IPO11: variants seen among roughly 807,000 people sequenced by gnomAD.
The protein encoded by IPO11 is importin-11.
In IPO11, 66 loss-of-function variants were observed where a neutral mutation model predicts 143.2. That is an observed-to-expected ratio of 0.46 (90% confidence interval 0.38 to 0.57). The LOEUF (loss-of-function observed/expected upper bound fraction) is 0.57, where lower values mean the gene tolerates loss of function less well. Ranked by LOEUF, IPO11 falls within the 20% of genes least tolerant of loss-of-function variation. The probability of loss-of-function intolerance (pLI) is 0.00; values close to 1 mark genes in which losing one functional copy is unlikely to be tolerated. For missense variants in IPO11, 1,026 were observed against 1,141.0 expected (o/e 0.90, Z 1.45); for synonymous variants, 385 against 377.8 (o/e 1.02, Z -0.22).
At chr5:62,496,928 G>A (rs568155896) in intron 16 of IPO11, among the ~76,000 whole-genome samples, 4 of 152,278 alleles carry the variant, frequency 2.6e-5, no homozygotes, top group African/African-American at 9.6e-5. Context: ...TCTCTGCCCA[G>A]CGGCCTCTGA....
chr5:62,534,546 A>G (rs561403333), intron 22 of IPO11, among the ~76,000 whole-genome samples: 1 of 152,236 alleles, frequency 6.6e-6, no homozygotes, highest in African/African-American at 2.4e-5. Flanking sequence ...TCATATATGC[A>G]CAGTGCATAA....
At chr5:62,519,530 A>G (rs546863173) in intron 20 of IPO11, among the ~76,000 whole-genome samples, 1 of 152,296 alleles carries the variant, frequency 6.6e-6, no homozygotes, top group South Asian at 2.1e-4. Context: ...CTATTCCACT[A>G]TCCTCCCAGT....
intron 5 of IPO11, among the ~76,000 whole-genome samples, chr5:62,454,260 C>T (rs4700493): frequency 0.077 from 11,699 of 152,210 alleles, 711 homozygotes; most frequent in East Asian, 0.26. Context: ...TGATTTCTAG[C>T]GAGGACTAAG....
intron 26 of IPO11, among the ~76,000 whole-genome samples, chr5:62,554,414 C>CA (rs1743497903): frequency 1.3e-5 from 2 of 152,096 alleles, no homozygotes; most frequent in African/African-American, 4.8e-5. Context: ...TTGTGGGTCT[C>CA]ACATTTTAAG....
At chr5:62,435,069 T>A (rs1389939185) in intron 1 of IPO11, among the ~76,000 whole-genome samples, 3 of 113,220 alleles carry the variant, frequency 2.6e-5, no homozygotes, top group Non-Finnish European at 5.4e-5. Flanking sequence ...TATGTATATA[T>A]ATGTATATAT....
At chr5:62,505,601 A>G (rs535309521) in intron 18 of IPO11, among the ~76,000 whole-genome samples, 2 of 152,194 alleles carry the variant, frequency 1.3e-5, no homozygotes, top group South Asian at 2.1e-4. Context: ...AATGAACCCT[A>G]TATCTGAAAG....
At chr5:62,609,894 T>C (rs570741201) in intron 29 of IPO11, among the ~76,000 whole-genome samples, 50 of 152,358 alleles carry the variant, frequency 3.3e-4, no homozygotes, top group African/African-American at 1.2e-3. Flanking sequence ...ACAGCAAATA[T>C]GAGGTCAACT....
intron 8 of IPO11, among the ~76,000 whole-genome samples, chr5:62,475,609 A>G (rs1401266249): frequency 6.6e-6 from 1 of 152,232 alleles, no homozygotes; most frequent in African/African-American, 2.4e-5. Flanking sequence ...ATGTTTAACA[A>G]ATATTGTCTA....
At position 62,484,944 on chromosome 5, in the gene IPO11, A is replaced by G. The variant is rs114861877; in HGVS notation, c.1175-475A>G. 7.5e-3 allele frequency among the ~76,000 whole-genome samples: 1,099 copies of G among 147,182 alleles called. 14 individuals carry two copies. Among genetic ancestry groups the G allele is most frequent in the African/African-American group, 0.026 (1,035 of 39,996 alleles). ...CATCTTTTTTCAATTTGCTTTCTTT[A>G]TATAGTACATACAACATTGTAACAT... On this transcript the variant is annotated intron_variant, in intron 11 of 29. Coordinates refer to ENST00000325324, the MANE Select transcript of IPO11 (RefSeq NM_016338.5).
chr5:62,465,710 G>A (rs527450053), intron 5 of IPO11, among the ~76,000 whole-genome samples: 6 of 152,344 alleles, frequency 3.9e-5, no homozygotes, highest in African/African-American at 1.4e-4. Flanking sequence ...CTGTTGTGAA[G>A]TATACACACA....
chr5:62,469,396 T>G (rs1745689489), intron 6 of IPO11, among the ~76,000 whole-genome samples: 1 of 152,188 alleles, frequency 6.6e-6, no homozygotes, highest in Non-Finnish European at 1.5e-5. Flanking sequence ...AAACCGAAGG[T>G]CTAGTAGACA....
At chr5:62,426,036 G>A (rs1291430367) in intron 1 of IPO11, among the ~76,000 whole-genome samples, 1 of 152,198 alleles carries the variant, frequency 6.6e-6, no homozygotes, top group Non-Finnish European at 1.5e-5. Flanking sequence ...TCCCCTGGGT[G>A]AGGAGAATTG....
chr5:62,612,855 C>G (rs958094925), intron 29 of IPO11, among the ~76,000 whole-genome samples: 2 of 152,174 alleles, frequency 1.3e-5, no homozygotes, highest in Admixed American at 6.5e-5. Context: ...TTATTATAAG[C>G]AGCGCTTCAG....
chr5:62,437,962 C>G (rs1269891322), intron 2 of IPO11, among the ~76,000 whole-genome samples: 6 of 152,120 alleles, frequency 3.9e-5, no homozygotes, highest in African/African-American at 1.4e-4. Flanking sequence ...ACTAATTAAT[C>G]AAAATTATTT....
chr5:62,476,619 A>C (rs1745965019), intron 8 of IPO11, 64 bp from the exon 9 acceptor site: 1 of 1,440,156 alleles, frequency 6.9e-7, no homozygotes, highest in African/African-American at 1.5e-5. Context: ...TTTTTGTAAA[A>C]ATTTTGATGT....
At chr5:62,413,805 G>T (rs1215556081) in intron 1 of IPO11, among the ~76,000 whole-genome samples, 1 of 152,172 alleles carries the variant, frequency 6.6e-6, no homozygotes, top group Non-Finnish European at 1.5e-5. Flanking sequence ...CCATTTTCAT[G>T]TTATTTCAAA....
rs1334129665 is a variant in IPO11 at position 62,561,332 on chromosome 5, G to T, written c.2582+75G>T. On this transcript the variant is annotated intron_variant, in intron 27 of 29. Transcript: ENST00000325324. ...AACACTATTTTTGGCCATCAGTATT[G>T]CTGTGTGTTGCTGGGCAGTGGTACT... 6.6e-6 allele frequency: 5 copies of T among 753,356 alleles called. No homozygotes were observed. The African/African-American group carries it at 8.4e-5, about 13-fold the overall frequency. The allele number at this position is 753,356 out of a possible 1,614,324, so 46.7% of individuals were successfully genotyped here.
At chr5:62,547,911 GAAAA>G (rs1207439025) in intron 24 of IPO11, among the ~76,000 whole-genome samples, 1 of 151,790 alleles carries the variant, frequency 6.6e-6, no homozygotes, top group Non-Finnish European at 1.5e-5. Context: ...GTTTCTTAAA[GAAAA>G]AAACTGTAGA....
At position 62,604,871 on chromosome 5, in the gene IPO11, A is replaced by T. The variant is rs569523849; in HGVS notation, c.2763+3023A>T. On this transcript the variant is annotated intron_variant, in intron 29 of 29. Transcript: ENST00000325324. ...TAAATCCAATTATGAATACATGCTAATTTTCCAACAACTTTAAACAAAGAA... is the reference window on the plus strand; with the variant it reads ...TAAATCCAATTATGAATACATGCTATTTTTCCAACAACTTTAAACAAAGAA... Among the ~76,000 whole-genome samples the T allele has an allele frequency of 5.3e-4, 81 of 152,284 alleles. 2 individuals carry two copies. The highest frequency in any genetic ancestry group is 4.4e-3 in the Admixed American group (68 of 15,300).
Sources: allele counts gnomAD v4.1 joint callset (sites outside exome capture counted in the v4.1 genomes callset), GRCh38; gene constraint gnomAD v4.1.1; transcripts MANE v1.5; gene names NCBI Gene and HGNC (gene_info 2026-07-23, HGNC 2026-07-21).